The following TOPBP1 variants were observed in gnomAD, a reference collection of about 807,000 sequenced individuals.
TOPBP1 encodes DNA topoisomerase 2-binding protein 1.
Under a neutral mutation model 167.7 loss-of-function variants are expected in TOPBP1, and 28 were observed. The observed-to-expected ratio is 0.17, with a 90% CI of 0.12 to 0.23. TOPBP1 has a LOEUF of 0.23. TOPBP1 is among the 10% of genes least tolerant of loss of function. The probability of loss-of-function intolerance (pLI) is 1.00; values close to 1 mark genes in which losing one functional copy is unlikely to be tolerated. For synonymous variants in TOPBP1, 598 were observed against 611.4 expected (o/e 0.98, Z 0.32); for missense variants, 1,554 against 1,809.6 (o/e 0.86, Z 2.56).
At chr3:133,634,529 A>T (rs961328164) in intron 14 of TOPBP1, among the ~76,000 whole-genome samples, 2 of 152,208 alleles carry the variant, frequency 1.3e-5, no homozygotes, top group Non-Finnish European at 2.9e-5. Flanking sequence ...AAAAAAAGAT[A>T]AAAGATAAAA....
chr3:133,643,384 AAAAG>A lies in TOPBP1; in HGVS notation c.1849-16_1849-13del. On this transcript the variant is annotated splice_polypyrimidine_tract_variant and intron_variant, in intron 11 of 27. Coordinates refer to ENST00000260810, the MANE Select transcript of TOPBP1 (RefSeq NM_007027.4). ...TCTATGCAAGTAACCTTTTAAAAACAAAAGAAATAGTAAAGCCAACCTGAAATAA... is the reference window on the plus strand; with the variant it reads ...TCTATGCAAGTAACCTTTTAAAAACAAAATAGTAAAGCCAACCTGAAATAA... The A allele has an allele frequency of 6.4e-7, 1 of 1,557,568 alleles. No individual in the cohort carries two copies. The highest frequency in any genetic ancestry group is 1.2e-5 in the South Asian group (1 of 82,192).
In TOPBP1 at chr3:133,640,065, C is replaced by A; in HGVS notation, c.2127G>T (p.Lys709Asn). Residue 709 changes from lysine to asparagine, a missense_variant, in exon 13 of 28, where the codon AAG becomes AAT. Lys to Asn is a moderately conservative substitution (Grantham distance 94, BLOSUM62 0). This residue lies in a region of TOPBP1 where 1,197 missense variants were observed against 1,351.5 expected (regional missense o/e 0.89). Transcript: ENST00000260810. ...TAGTAACGGCAGGTAAATTCCACTTCTTTGCAGCTTCATATTTAGAGCCAC... is the reference window on the plus strand; with the variant it reads ...TAGTAACGGCAGGTAAATTCCACTTATTTGCAGCTTCATATTTAGAGCCAC... ...ERGGSKYEAA[K>N]KWNLPAVTIA... is the part of the protein sequence containing the mutation. 1 of 1,613,914 alleles carries A rather than the reference C, an allele frequency of 6.2e-7. No homozygotes were observed.
intron 10 of TOPBP1, 47 bp from the exon 11 acceptor site, chr3:133,644,410 C>T (rs1215071416): frequency 2.1e-6 from 3 of 1,445,848 alleles, no homozygotes; most frequent in South Asian, 2.9e-5. Flanking sequence ...TTACCTTATA[C>T]AGTTTACTTC....
At chr3:133,643,568 A>G (rs1935971519) in intron 11 of TOPBP1, among the ~76,000 whole-genome samples, 196 bp from the exon 12 acceptor site, 1 of 152,138 alleles carries the variant, frequency 6.6e-6, no homozygotes, top group Non-Finnish European at 1.5e-5. Context: ...ATATACATAC[A>G]TCGACTAATT....
intron 23 of TOPBP1, among the ~76,000 whole-genome samples, chr3:133,613,017 G>A (rs1471842012): frequency 6.6e-6 from 1 of 151,850 alleles, no homozygotes; most frequent in Non-Finnish European, 1.5e-5. Context: ...ACACCACTAT[G>A]GCCTGGCTAA....
At chr3:133,609,769 G>A (rs189520718) in intron 25 of TOPBP1, among the ~76,000 whole-genome samples, 9 of 152,286 alleles carry the variant, frequency 5.9e-5, no homozygotes, top group African/African-American at 4.8e-5. Flanking sequence ...GTGGAACTGT[G>A]AGTCAATTAA....
chr3:133,656,361 T>C (rs1255900450), intron 5 of TOPBP1, among the ~76,000 whole-genome samples: 1 of 152,150 alleles, frequency 6.6e-6, no homozygotes, highest in African/African-American at 2.4e-5. Flanking sequence ...TGTTGAAGGA[T>C]AATGCAACAT....
At chr3:133,636,104 T>C (rs1471755364) in intron 14 of TOPBP1, among the ~76,000 whole-genome samples, 1 of 152,106 alleles carries the variant, frequency 6.6e-6, no homozygotes, top group East Asian at 1.9e-4. Flanking sequence ...GAGTATACTT[T>C]AGGGAGGAAG....
At chr3:133,609,822 A>G (rs1934613395) in intron 25 of TOPBP1, among the ~76,000 whole-genome samples, 1 of 152,198 alleles carries the variant, frequency 6.6e-6, no homozygotes, top group South Asian at 2.1e-4. Context: ...GTGTTGCTTC[A>G]TAGCAGCGTG....
chr3:133,605,628 T>C (rs1934466050), intron 27 of TOPBP1, among the ~76,000 whole-genome samples: 1 of 152,140 alleles, frequency 6.6e-6, no homozygotes, highest in Non-Finnish European at 1.5e-5. Context: ...AAAAGGACTC[T>C]TCCTCAATCT....
At chr3:133,621,104 T>C (rs1343858273) in intron 19 of TOPBP1, among the ~76,000 whole-genome samples, 2 of 152,144 alleles carry the variant, frequency 1.3e-5, no homozygotes, top group African/African-American at 4.8e-5. Context: ...CTCTAACTCC[T>C]GGGCTCAAGT....
At chr3:133,603,977 T>G (rs917692961) in intron 27 of TOPBP1, among the ~76,000 whole-genome samples, 5 of 151,788 alleles carry the variant, frequency 3.3e-5, no homozygotes, top group African/African-American at 1.2e-4. Context: ...TTATAGAGTA[T>G]TTTCTGTGAT....
intron 16 of TOPBP1, among the ~76,000 whole-genome samples, chr3:133,627,874 TA>T (rs34576478): frequency 2.4e-3 from 347 of 143,654 alleles, no homozygotes; most frequent in South Asian, 3.1e-3. Context: ...CTCCAAAGTT[TA>T]AAAAAAAAAA....
chr3:133,601,257 A>AC lies in TOPBP1; in HGVS notation c.4561dup (p.Val1521GlyfsTer9), dbSNP rs1193243484. 6.2e-7 allele frequency: 1 copy of AC among 1,603,504 alleles called. No homozygotes were observed. The highest frequency in any genetic ancestry group is 8.5e-7 in the Non-Finnish European group (1 of 1,177,192). On this transcript the variant is annotated frameshift_variant, in exon 28 of 28. Coordinates refer to ENST00000260810, the MANE Select transcript of TOPBP1 (RefSeq NM_007027.4). LOFTEE classifies it high-confidence loss of function. ...ACTAAAGGGTAGATGCGATTAGTGTACTCTAGGTCGTTTGATTTTATTTTT... is the reference window on the plus strand; with the variant it reads ...ACTAAAGGGTAGATGCGATTAGTGTACCTCTAGGTCGTTTGATTTTATTTTT...
At position 133,617,215 on chromosome 3, in the gene TOPBP1, G is replaced by A; in HGVS notation, c.3704C>T (p.Pro1235Leu). ...DSHLIPTPQA[P>L]SIAFPLANPP... The stretch of plus-strand genomic sequence containing the variant: ...GTTGGCGAGTGGAAAGGCAATACTG[G>A]GGGCTTGAGGCGTAGGGATCAGGTG... Residue 1235 changes from proline (P) to leucine (L), a missense_variant, in exon 22 of 28, where the codon CCC becomes CTC. Physicochemically the swap from Pro to Leu is moderately conservative, Grantham distance 98. Around this residue, in one of 3 missense-constraint regions of TOPBP1, gnomAD observed 351 missense variants for 432.9 expected, o/e 0.81. Coordinates refer to ENST00000260810, the MANE Select transcript of TOPBP1 (RefSeq NM_007027.4). The A allele has an allele frequency of 6.2e-7, 1 of 1,613,760 alleles. No individual in the cohort carries two copies. The highest frequency in any genetic ancestry group is 8.5e-7 in the Non-Finnish European group (1 of 1,179,816).
At chr3:133,610,734 C>T (rs1482461526) in intron 25 of TOPBP1, among the ~76,000 whole-genome samples, 2 of 151,948 alleles carry the variant, frequency 1.3e-5, no homozygotes, top group African/African-American at 4.8e-5. Flanking sequence ...ACATGGCCTT[C>T]CCAGATTTGA....
intron 6 of TOPBP1, among the ~76,000 whole-genome samples, chr3:133,653,957 C>G (rs886938631): frequency 5.9e-5 from 9 of 152,080 alleles, no homozygotes; most frequent in African/African-American, 2.2e-4. Flanking sequence ...AAAAACCTAT[C>G]AACAAAATTA....
intron 19 of TOPBP1, among the ~76,000 whole-genome samples, chr3:133,620,701 G>C (rs1464200069): frequency 6.6e-6 from 1 of 151,080 alleles, no homozygotes; most frequent in Non-Finnish European, 1.5e-5. Flanking sequence ...AGCCTCTCAA[G>C]TAGCTGGGAT....
intron 14 of TOPBP1, among the ~76,000 whole-genome samples, chr3:133,629,923 A>G (rs1446163676): frequency 6.6e-6 from 1 of 151,938 alleles, no homozygotes; most frequent in African/African-American, 2.4e-5. Context: ...AGTAGCTGGG[A>G]CTACAGGCAT....
Sources: allele counts gnomAD v4.1 joint callset (sites outside exome capture counted in the v4.1 genomes callset), GRCh38; gene constraint gnomAD v4.1.1; regional missense constraint gnomAD v4.1.1; transcripts MANE v1.5; gene names NCBI Gene and HGNC (gene_info 2026-07-23, HGNC 2026-07-21).